Variants in SPAG16 observed in about 807,000 individuals in gnomAD.
SPAG16 encodes sperm-associated antigen 16 protein.
Under a neutral mutation model 80.4 loss-of-function variants are expected in SPAG16, and 86 were observed. The observed-to-expected ratio is 1.07, with a 90% CI of 0.90 to 1.28. SPAG16 has a LOEUF of 1.28. SPAG16 is among the 50% of genes most tolerant of loss of function. SPAG16 has a pLI of 0.00. For synonymous variants in SPAG16, 294 were observed against 265.9 expected, an observed-to-expected ratio of 1.11 and a Z score of -1.03; for missense variants, 870 against 765.3, an observed-to-expected ratio of 1.14 and a Z score of -1.61.
chr2:213,515,903 C>T (rs904173711), intron 10 of SPAG16, among the ~76,000 whole-genome samples: 9 of 152,074 alleles, frequency 5.9e-5, no homozygotes, highest in Admixed American at 3.3e-4. Flanking sequence ...TTCAGCCCTC[C>T]GGTGTGAAGT....
chr2:213,639,967 G>T (rs543688543), intron 10 of SPAG16, among the ~76,000 whole-genome samples: 18 of 152,046 alleles, frequency 1.2e-4, no homozygotes, highest in African/African-American at 4.3e-4. Flanking sequence ...GTTGGATTGG[G>T]TTAATTTGAA....
Position 213,958,214 on chromosome 2 carries a change from G to C in SPAG16, c.1400+28069G>C, listed in dbSNP as rs1285406549. 2.6e-5 allele frequency among the ~76,000 whole-genome samples: 4 copies of C among 152,174 alleles called. 1 individual carries two copies. The highest frequency in any genetic ancestry group is 1.3e-4 in the Admixed American group (2 of 15,270). On this transcript the variant is annotated intron_variant, in intron 12 of 15. Transcript: ENST00000331683. ...CAGGGAATTCTAACTGATGGGTTTA[G>C]AGCAAGCAGGCACAAGTTCCGTGGA...
intron 11 of SPAG16, among the ~76,000 whole-genome samples, chr2:213,915,286 C>G (rs1274007594): frequency 1.3e-5 from 2 of 152,056 alleles, no homozygotes; most frequent in Admixed American, 1.3e-4. Context: ...CCTAGTCCCC[C>G]ACCCCTCAGC....
intron 7 of SPAG16, among the ~76,000 whole-genome samples, chr2:213,359,461 C>G (rs894277547): frequency 1.3e-5 from 2 of 152,176 alleles, no homozygotes; most frequent in East Asian, 1.9e-4. Flanking sequence ...CTTTGTTTAC[C>G]TACTGAAGCC....
At chr2:213,945,770 C>A in intron 12 of SPAG16, among the ~76,000 whole-genome samples, 1 of 152,136 alleles carries the variant, frequency 6.6e-6, no homozygotes, top group South Asian at 2.1e-4. Context: ...ACTCACCAAA[C>A]ATTAGATCTG....
At chr2:214,263,465 C>T (rs1169982979) in intron 15 of SPAG16, among the ~76,000 whole-genome samples, 1 of 152,068 alleles carries the variant, frequency 6.6e-6, no homozygotes, top group Non-Finnish European at 1.5e-5. Flanking sequence ...ATCAGTCTTG[C>T]GATTTCAGAG....
intron 10 of SPAG16, among the ~76,000 whole-genome samples, chr2:213,718,149 CAA>C (rs71063769): frequency 1.1e-5 from 1 of 92,240 alleles, no homozygotes; most frequent in African/African-American, 4.7e-5. Flanking sequence ...AACAAGTTTA[CAA>C]AAAAAAAAAA....
chr2:213,747,822 G>T (rs2067898895), intron 10 of SPAG16, among the ~76,000 whole-genome samples: 1 of 152,158 alleles, frequency 6.6e-6, no homozygotes, highest in African/African-American at 2.4e-5. Context: ...CATGACTATG[G>T]TTTAGCAGAA....
chr2:213,369,653 A>G (rs2066522987), intron 8 of SPAG16, among the ~76,000 whole-genome samples: 1 of 152,128 alleles, frequency 6.6e-6, no homozygotes, highest in African/African-American at 2.4e-5. Flanking sequence ...CTAGATCCAG[A>G]AGGATGATGT....
chr2:213,592,124 A>G (rs1461149919), intron 10 of SPAG16, among the ~76,000 whole-genome samples: 1 of 152,248 alleles, frequency 6.6e-6, no homozygotes, highest in African/African-American at 2.4e-5. Flanking sequence ...TCACCATTAC[A>G]AAATTTGGCT....
At chr2:213,760,626 C>T (rs1004580970) in intron 10 of SPAG16, among the ~76,000 whole-genome samples, 3 of 151,590 alleles carry the variant, frequency 2.0e-5, no homozygotes, top group African/African-American at 7.3e-5. Flanking sequence ...GTACATTTTC[C>T]AAAATAGACT....
intron 10 of SPAG16, among the ~76,000 whole-genome samples, chr2:213,758,996 G>A (rs1182135827): frequency 1.3e-5 from 2 of 152,162 alleles, no homozygotes; most frequent in Admixed American, 1.3e-4. Context: ...CAGGCCAGAA[G>A]GCAGTGGGCT....
At chr2:213,779,018 C>T (rs1433039597) in intron 10 of SPAG16, among the ~76,000 whole-genome samples, 2 of 152,136 alleles carry the variant, frequency 1.3e-5, no homozygotes, top group East Asian at 3.9e-4. Flanking sequence ...GTTAAAATTG[C>T]CTTGAGTGAA....
intron 13 of SPAG16, among the ~76,000 whole-genome samples, chr2:214,057,502 T>C (rs1019572700): frequency 6.6e-6 from 1 of 152,168 alleles, no homozygotes; most frequent in African/African-American, 2.4e-5. Context: ...TCATCTAGGC[T>C]TTATTGTTCC....
At chr2:213,962,501 T>C (rs921664913) in intron 12 of SPAG16, among the ~76,000 whole-genome samples, 1 of 152,122 alleles carries the variant, frequency 6.6e-6, no homozygotes, top group African/African-American at 2.4e-5. Flanking sequence ...GGTATCCTTT[T>C]AAAGAGAGAA....
intron 10 of SPAG16, among the ~76,000 whole-genome samples, chr2:213,578,847 T>A (rs1488351068): frequency 1.3e-5 from 2 of 152,106 alleles, no homozygotes; most frequent in Non-Finnish European, 2.9e-5. Flanking sequence ...ATTTTTTTTT[T>A]ACATAGGTGA....
chr2:213,577,367 C>T (rs1366574752), intron 10 of SPAG16, among the ~76,000 whole-genome samples: 1 of 152,124 alleles, frequency 6.6e-6, no homozygotes, highest in African/African-American at 2.4e-5. Context: ...TTATTTTTCT[C>T]ACACCACAAC....
At chr2:213,348,452 G>T (rs2065127063) in intron 6 of SPAG16, among the ~76,000 whole-genome samples, 1 of 152,144 alleles carries the variant, frequency 6.6e-6, no homozygotes. Flanking sequence ...CTCATTAGTT[G>T]ATGCAGTTTC....
At chr2:213,553,103 T>C (rs543489080) in intron 10 of SPAG16, among the ~76,000 whole-genome samples, 9 of 152,308 alleles carry the variant, frequency 5.9e-5, no homozygotes, top group African/African-American at 1.7e-4. Context: ...TGTGAGTCAA[T>C]ACACCTTAAT....
Sources: gnomAD v4.1 joint callset for allele counts (sites outside exome capture counted in the v4.1 genomes callset) on GRCh38, gnomAD v4.1.1 for gene constraint, MANE v1.5 for transcripts, NCBI Gene and HGNC (gene_info 2026-07-23, HGNC 2026-07-21) for gene names.